CAST: variants seen among roughly 807,000 people sequenced by gnomAD.
The protein encoded by CAST is calpastatin, also known as MIR583 host.
Under a neutral mutation model 119.6 loss-of-function variants are expected in CAST, and 76 were observed. The ratio of observed to expected loss-of-function variants is 0.64; its 90% CI spans 0.53 to 0.77. CAST has a LOEUF of 0.77. Among genes scored for constraint, CAST ranks in the 30% least tolerant of loss-of-function variants. The pLI is 0.00. For synonymous variants in CAST, 319 were observed against 331.6 expected (o/e 0.96, Z 0.41); for missense variants, 953 against 946.5 (o/e 1.01, Z -0.09).
chr5:96,022,548 T>C, the CAST span, among the ~76,000 whole-genome samples: 1 of 152,222 alleles, frequency 6.6e-6, no homozygotes, highest in Non-Finnish European at 1.5e-5. Flanking sequence ...CTTAGAACCA[T>C]AGTTCCCCAA....
At chr5:96,063,422 C>T in the CAST span, among the ~76,000 whole-genome samples, 18 of 152,252 alleles carry the variant, frequency 1.2e-4, 1 homozygote, top group East Asian at 7.7e-4. Context: ...AGTCTTTTGT[C>T]GCTATTGTAA....
At chr5:96,715,958 G>A (rs1757118111) in intron 3 of CAST, among the ~76,000 whole-genome samples, 1 of 152,160 alleles carries the variant, frequency 6.6e-6, no homozygotes, top group Non-Finnish European at 1.5e-5. Context: ...CACACTTTCA[G>A]TTATCATAAA....
intron 31 of CAST, 87 bp downstream of exon 31, chr5:96,771,789 TTGAGTAATTCATG>T: frequency 1.3e-6 from 1 of 764,990 alleles, no homozygotes; most frequent in Non-Finnish European, 2.3e-6. Flanking sequence ...AGTCCACCTC[TTGAGTAATTCATG>T]CTCACTTTAC....
chr5:96,165,770 A>T, the CAST span, among the ~76,000 whole-genome samples: 2 of 152,256 alleles, frequency 1.3e-5, no homozygotes, highest in Non-Finnish European at 1.5e-5. Flanking sequence ...AATAAAAGTG[A>T]ATCAATAAAG....
At chr5:95,963,725 C>CTTTTTTTTTTTTT in the CAST span, among the ~76,000 whole-genome samples, 470 of 129,884 alleles carry the variant, frequency 3.6e-3, 8 homozygotes, top group African/African-American at 0.013. Flanking sequence ...TTCTCTCTCT[C>CTTTTTTTTTTTTT]TTTTTTTTTT....
chr5:96,341,413 C>T, the CAST span, among the ~76,000 whole-genome samples: 1 of 141,762 alleles, frequency 7.1e-6, no homozygotes, highest in Admixed American at 7.7e-5. Context: ...CTCACTAAGG[C>T]TCAAGATACT....
the CAST span, among the ~76,000 whole-genome samples, chr5:96,212,661 A>G: frequency 6.6e-6 from 1 of 152,232 alleles, no homozygotes; most frequent in South Asian, 2.1e-4. Flanking sequence ...TATTATATCA[A>G]TTGTTGAAAG....
the CAST span, among the ~76,000 whole-genome samples, chr5:96,339,028 C>A: frequency 1.3e-5 from 2 of 152,110 alleles, no homozygotes; most frequent in African/African-American, 4.8e-5. Flanking sequence ...AAATAATAAC[C>A]ATTACTGGAA....
the CAST span, among the ~76,000 whole-genome samples, chr5:96,187,009 T>C: frequency 6.6e-6 from 1 of 152,240 alleles, no homozygotes; most frequent in African/African-American, 2.4e-5. Flanking sequence ...GGATATTTAT[T>C]ACTGCCTCAA....
the CAST span, among the ~76,000 whole-genome samples, chr5:96,416,827 C>A: frequency 6.6e-6 from 1 of 152,186 alleles, no homozygotes; most frequent in Non-Finnish European, 1.5e-5. Flanking sequence ...TTTATGATTT[C>A]AGAGTATTTG....
At chr5:96,727,229 T>A (rs968897855) in intron 5 of CAST, among the ~76,000 whole-genome samples, 1 of 152,256 alleles carries the variant, frequency 6.6e-6, no homozygotes, top group Non-Finnish European at 1.5e-5. Context: ...TCTTTACATA[T>A]CTTTGATATA....
chr5:96,368,513 A>C, the CAST span, among the ~76,000 whole-genome samples: 6 of 151,784 alleles, frequency 4.0e-5, no homozygotes, highest in East Asian at 1.2e-3. Flanking sequence ...AAAAAAAAAA[A>C]AACAAAAAAA....
At chr5:96,465,850 T>C in the CAST span, among the ~76,000 whole-genome samples, 1 of 152,136 alleles carries the variant, frequency 6.6e-6, no homozygotes, top group African/African-American at 2.4e-5. Context: ...ACCTTTTCAG[T>C]GAGCAGATCT....
At chr5:96,112,714 C>T in the CAST span, among the ~76,000 whole-genome samples, 311 of 152,248 alleles carry the variant, frequency 2.0e-3, 1 homozygote, top group Non-Finnish European at 3.5e-3. Context: ...ATTTAATACA[C>T]CTCAGCTACC....
the CAST span, among the ~76,000 whole-genome samples, chr5:96,033,643 T>C: frequency 3.3e-5 from 5 of 151,968 alleles, 1 homozygote; most frequent in Non-Finnish European, 7.4e-5. Context: ...TATAAAAAAA[T>C]CAAATCAGAG....
At chr5:96,400,006 C>T in the CAST span, 1 of 1,614,252 alleles carries the variant, frequency 6.2e-7, no homozygotes, top group Non-Finnish European at 8.5e-7. Flanking sequence ...CAGGCACGCT[C>T]CTCCAGGTCC....
the CAST span, among the ~76,000 whole-genome samples, chr5:96,037,969 G>A: frequency 2.0e-4 from 31 of 152,256 alleles, no homozygotes; most frequent in East Asian, 1.5e-3. Context: ...CAGATTCATC[G>A]CAATGTTACA....
At chr5:96,610,076 G>A (rs945839513) in intron 1 of CAST, among the ~76,000 whole-genome samples, 2 of 152,180 alleles carry the variant, frequency 1.3e-5, no homozygotes, top group Admixed American at 1.3e-4. Flanking sequence ...ATTATTGGGG[G>A]CAGGTTTTTC....
chr5:96,396,872 T>A, the CAST span, among the ~76,000 whole-genome samples: 1 of 152,198 alleles, frequency 6.6e-6, no homozygotes, highest in Non-Finnish European at 1.5e-5. Flanking sequence ...TTTAAAAAAG[T>A]CATATTAAAT....
Sources: allele counts gnomAD v4.1 joint callset (sites outside exome capture counted in the v4.1 genomes callset), GRCh38; gene constraint gnomAD v4.1.1; transcripts MANE v1.5; gene names NCBI Gene and HGNC (gene_info 2026-07-23, HGNC 2026-07-21).